ERCC6L2: variants seen among roughly 807,000 people sequenced by gnomAD.
ERCC6L2 encodes DNA excision repair protein ERCC-6-like 2.
ERCC6L2 carries 77 observed loss-of-function variants against 132.0 expected under a neutral mutation model. The observed-to-expected ratio is 0.58, with a 90% CI of 0.49 to 0.71. The LOEUF (loss-of-function observed/expected upper bound fraction) is 0.71, where lower values mean the gene tolerates loss of function less well. Ranked by LOEUF, ERCC6L2 falls within the 30% of genes least tolerant of loss-of-function variation. The pLI is 0.00. For synonymous variants in ERCC6L2, 583 were observed against 632.4 expected (o/e 0.92, Z 1.17); for missense variants, 1,542 against 1,837.6 (o/e 0.84, Z 2.94).
chr9:95,907,340 T>G (rs1587881482), intron 4 of ERCC6L2, 69 bp downstream of exon 4: 6 of 735,028 alleles, frequency 8.2e-6, no homozygotes, highest in African/African-American at 4.0e-5. Flanking sequence ...TATTAAGAGT[T>G]TTTTTTTTTT....
intron 12 of ERCC6L2, among the ~76,000 whole-genome samples, chr9:95,947,330 T>G (rs1469305498): frequency 6.6e-6 from 1 of 152,222 alleles, no homozygotes; most frequent in African/African-American, 2.4e-5. Flanking sequence ...AACCACAGCC[T>G]AATCCAGAGC....
intron 17 of ERCC6L2, among the ~76,000 whole-genome samples, chr9:95,988,826 C>G (rs1833191976): frequency 6.6e-6 from 1 of 152,114 alleles, no homozygotes; most frequent in Non-Finnish European, 1.5e-5. Flanking sequence ...GTATCAGATC[C>G]AACAGGTTGA....
At chr9:95,917,004 A>C (rs1829630751) in intron 6 of ERCC6L2, among the ~76,000 whole-genome samples, 2 of 152,072 alleles carry the variant, frequency 1.3e-5, no homozygotes, top group Non-Finnish European at 2.9e-5. Flanking sequence ...CTTTTGATGC[A>C]GTTTTTCCCC....
chr9:95,883,840 G>A (rs1233056649), intron 2 of ERCC6L2, among the ~76,000 whole-genome samples: 1 of 152,208 alleles, frequency 6.6e-6, no homozygotes, highest in East Asian at 1.9e-4. Flanking sequence ...TCTGGCAACA[G>A]AGTGAGACTC....
chr9:96,021,946 C>T (rs1474127493), downstream of ERCC6L2, among the ~76,000 whole-genome samples: 1 of 152,074 alleles, frequency 6.6e-6, no homozygotes, highest in Non-Finnish European at 1.5e-5. The surrounding 1 kb of genome is among the most constrained non-coding windows in gnomAD (Gnocchi z 4.7). Flanking sequence ...GGCGCCCCCA[C>T]GCCGCTCCTC....
chr9:95,895,790 G>A (rs62559058), intron 2 of ERCC6L2, among the ~76,000 whole-genome samples: 11,675 of 149,324 alleles, frequency 0.078, 631 homozygotes, highest in Admixed American at 0.13. Context: ...TGTAGTGCGC[G>A]ATCTCGGCTC....
chr9:95,925,245 C>T (rs1443624482), intron 9 of ERCC6L2, among the ~76,000 whole-genome samples: 2 of 152,158 alleles, frequency 1.3e-5, no homozygotes, highest in African/African-American at 4.8e-5. Context: ...GGGTTAGTCA[C>T]AAGTTGCAAT....
intron 12 of ERCC6L2, among the ~76,000 whole-genome samples, chr9:95,949,259 C>A (rs1831214391): frequency 6.6e-6 from 1 of 151,520 alleles, no homozygotes. Context: ...TTATGGAGGC[C>A]CAGAAGAAAG....
intron 20 of ERCC6L2, among the ~76,000 whole-genome samples, chr9:96,039,152 T>C (rs1210628472): frequency 1.3e-5 from 2 of 152,248 alleles, no homozygotes; most frequent in Non-Finnish European, 2.9e-5. Context: ...GCTTGTCGGC[T>C]TAAGCTGTTA....
At chr9:95,963,668 A>G (rs1016816898) in intron 13 of ERCC6L2, among the ~76,000 whole-genome samples, 1 of 152,036 alleles carries the variant, frequency 6.6e-6, no homozygotes, top group Non-Finnish European at 1.5e-5. Flanking sequence ...ATCAAGGTTC[A>G]TGGCTCCATT....
intron 17 of ERCC6L2, among the ~76,000 whole-genome samples, chr9:95,982,999 A>G (rs1287214403): frequency 6.6e-6 from 1 of 152,176 alleles, no homozygotes; most frequent in Non-Finnish European, 1.5e-5. Flanking sequence ...GATGTGTGCA[A>G]AAGACATTCA....
At chr9:95,943,655 A>T (rs756726771) in intron 12 of ERCC6L2, among the ~76,000 whole-genome samples, 7 of 152,210 alleles carry the variant, frequency 4.6e-5, no homozygotes, top group Non-Finnish European at 1.0e-4. Flanking sequence ...CTAAAACTCA[A>T]CAACAACAAA....
rs79216329 is a variant in ERCC6L2 at position 95,970,516 on chromosome 9, T to C, written c.2101-60T>C. The C allele has an allele frequency of 2.6e-4, 266 of 1,026,558 alleles. 2 individuals carry two copies. In the African/African-American group the frequency reaches 3.9e-3, roughly 15 times the overall value. The allele number at this position is 1,026,558 out of a possible 1,614,324, so 63.6% of individuals were successfully genotyped here. On this transcript the variant is annotated intron_variant, in intron 14 of 18. Coordinates refer to ENST00000653738, the MANE Select transcript of ERCC6L2 (RefSeq NM_020207.7). ...ATAGCATGCATTGCTGTTGTTTATC[T>C]GGTTGTTGCTACCCCCTGTGTTGCA...
chr9:95,879,080 A>G (rs940384993), intron 1 of ERCC6L2, among the ~76,000 whole-genome samples: 7 of 151,830 alleles, frequency 4.6e-5, no homozygotes, highest in African/African-American at 1.5e-4. Flanking sequence ...GAATTGCCAC[A>G]CTGACTTCCA....
chr9:95,889,275 G>A (rs1256943079), intron 2 of ERCC6L2, among the ~76,000 whole-genome samples: 1 of 152,070 alleles, frequency 6.6e-6, no homozygotes, highest in Non-Finnish European at 1.5e-5. Context: ...ATTGAATTAT[G>A]AATTTGCACA....
intron 4 of ERCC6L2, among the ~76,000 whole-genome samples, chr9:95,912,103 G>A (rs1587891249): frequency 1.3e-5 from 2 of 152,204 alleles, no homozygotes; most frequent in Middle Eastern, 6.8e-3. Flanking sequence ...AATTTCCAGA[G>A]GCATCTGGAG....
chr9:95,979,708 G>C (rs1832816857), intron 17 of ERCC6L2, among the ~76,000 whole-genome samples: 1 of 152,056 alleles, frequency 6.6e-6, no homozygotes, highest in South Asian at 2.1e-4. Flanking sequence ...CTTCTCATTT[G>C]ATCCAGGAAT....
chr9:95,951,702 A>G (rs759555502), intron 12 of ERCC6L2, among the ~76,000 whole-genome samples: 15 of 152,210 alleles, frequency 9.9e-5, no homozygotes, highest in Non-Finnish European at 1.5e-4. Context: ...GTCTACGTGA[A>G]ATGGATGAAT....
At chr9:96,026,222 G>T (rs1003142031) in intron 19 of ERCC6L2, among the ~76,000 whole-genome samples, 54 of 152,334 alleles carry the variant, frequency 3.5e-4, no homozygotes, top group African/African-American at 1.3e-3. Flanking sequence ...CCGCGCCACC[G>T]TTGGGAGTCC....
Sources: gnomAD v4.1 joint callset for allele counts (sites outside exome capture counted in the v4.1 genomes callset) on GRCh38, gnomAD v4.1.1 for gene constraint, Gnocchi (gnomAD v3.1) non-coding constraint, MANE v1.5 for transcripts, NCBI Gene and HGNC (gene_info 2026-07-23, HGNC 2026-07-21) for gene names.